Variants in CCDC50 observed in about 807,000 individuals in gnomAD.
CCDC50 encodes coiled-coil domain containing 50, also known as coiled-coil domain-containing protein 50.
CCDC50 carries 54 observed loss-of-function variants against 70.2 expected under a neutral mutation model. The observed-to-expected ratio is 0.77, with a 90% CI of 0.62 to 0.96. CCDC50 has a LOEUF of 0.96. CCDC50 is among the 50% of genes least tolerant of loss of function. The pLI, the probability that CCDC50 is intolerant of heterozygous loss-of-function variation, is 0.00. For missense variants in CCDC50, 558 were observed against 578.7 expected (o/e 0.96, Z 0.37); for synonymous variants, 216 against 198.8 (o/e 1.09, Z -0.73).
rs746357460 is a variant in CCDC50, at chr3:191,380,840, C to A, written c.1150C>A (p.Leu384Ile). Residue 384 changes from leucine (L) to isoleucine (I), a missense_variant, in exon 9 of 12, where the codon CTT (leucine) becomes ATT (isoleucine). Leu to Ile is a conservative substitution (Grantham distance 5). Transcript: ENST00000392455. ...QVAQDEEIAR[L>I]LMAEEKKAYK... Reference sequence around the variant, plus strand: ...GTATTTTGTTTAGGAAATCGCTCGACTTCTAATGGCTGAAGAAAAGAAAGC... The same window carrying A: ...GTATTTTGTTTAGGAAATCGCTCGAATTCTAATGGCTGAAGAAAAGAAAGC... 1.9e-6 allele frequency: 3 copies of A among 1,612,830 alleles called. No homozygotes were observed. In the East Asian group the frequency reaches 6.7e-5, roughly 36 times the overall value.
chr3:191,358,252 A>G, intron 3 of CCDC50, 128 bp downstream of exon 3: 8 of 1,209,608 alleles, frequency 6.6e-6, no homozygotes, highest in Non-Finnish European at 9.4e-6. Context: ...TACAAATCTT[A>G]CCCTGGATGT....
At chr3:191,379,704 G>A (rs1713242750) in intron 6 of CCDC50, among the ~76,000 whole-genome samples, 1 of 152,038 alleles carries the variant, frequency 6.6e-6, no homozygotes, top group African/African-American at 2.4e-5. Flanking sequence ...CTGCTCCCTC[G>A]GAAGTAGTAA....
chr3:191,330,006 C>T (rs1483967034), intron 1 of CCDC50, among the ~76,000 whole-genome samples: 1 of 151,192 alleles, frequency 6.6e-6, no homozygotes. Flanking sequence ...TCTCGTGCAT[C>T]GCAAAGCCTC....
At chr3:191,380,093 T>G (rs1207841924) in intron 6 of CCDC50, 66 bp from the exon 7 acceptor site, 1 of 997,902 alleles carries the variant, frequency 1.0e-6, no homozygotes, top group Non-Finnish European at 1.5e-6. Context: ...TTATCTTAAA[T>G]TTCTTAACTT....
At position 191,387,542 on chromosome 3, in the gene CCDC50, C is replaced by T. The variant is rs138291889; in HGVS notation, c.1323-1954C>T. Among the ~76,000 whole-genome samples the T allele has an allele frequency of 2.2e-3, 329 of 149,992 alleles. 1 individual carries two copies. The highest frequency in any genetic ancestry group is 8.0e-3 in the African/African-American group (317 of 39,588). On this transcript the variant is annotated intron_variant, in intron 10 of 11. Transcript: ENST00000392455. ...GTTCTCTATGTAACCTGAAACTAAA[C>T]AGAACAGTACCCTTAAGAGCACTGA...
intron 1 of CCDC50, among the ~76,000 whole-genome samples, chr3:191,331,383 C>T (rs1265732511): frequency 1.3e-5 from 2 of 152,174 alleles, no homozygotes; most frequent in African/African-American, 4.8e-5. Flanking sequence ...TGTATTCTAA[C>T]ATATTATTTC....
chr3:191,366,040 T>C (rs912397097), intron 4 of CCDC50, among the ~76,000 whole-genome samples: 1 of 152,136 alleles, frequency 6.6e-6, no homozygotes, highest in African/African-American at 2.4e-5. Flanking sequence ...GCCAACACCA[T>C]GTTTCAGTTA....
chr3:191,345,025 AAGAC>A (rs1711863831), intron 1 of CCDC50, among the ~76,000 whole-genome samples: 1 of 152,218 alleles, frequency 6.6e-6, no homozygotes, highest in South Asian at 2.1e-4. Context: ...TGGGAATAGA[AAGAC>A]AGAGCCCAGG....
In CCDC50 at chr3:191,395,740, C is replaced by A. The variant is rs561768983; in HGVS notation, c.*3980C>A. 6.6e-6 allele frequency: 1 copy of A among 152,082 alleles called. No individual in the cohort carries two copies. The highest frequency in any genetic ancestry group is 2.1e-4 in the South Asian group (1 of 4,820). The allele number at this position is 152,082 out of a possible 1,614,324, so 9.4% of individuals were successfully genotyped here. On this transcript the variant is annotated 3_prime_UTR_variant, in exon 12 of 12. Transcript: ENST00000392455. ...TGAAACGATCATAACAAAATCAAAA[C>A]CTCATGCTTCAGCAAAAAGGAAAAA...
intron 6 of CCDC50, among the ~76,000 whole-genome samples, chr3:191,378,660 C>G (rs1403797366): frequency 6.6e-6 from 1 of 152,014 alleles, no homozygotes. Flanking sequence ...CTTCCTAGTT[C>G]TGACTAAGCT....
At chr3:191,332,409 G>A (rs1718021534) in intron 1 of CCDC50, among the ~76,000 whole-genome samples, 1 of 152,172 alleles carries the variant, frequency 6.6e-6, no homozygotes, top group African/African-American at 2.4e-5. Flanking sequence ...AGTCAACTAA[G>A]TGTCAACACA....
chr3:191,350,977 T>G (rs1712088169), intron 1 of CCDC50, among the ~76,000 whole-genome samples: 2 of 140,846 alleles, frequency 1.4e-5, no homozygotes, highest in South Asian at 2.2e-4. Context: ...CCTGCTGCCC[T>G]TTAGGGGTAT....
intron 6 of CCDC50, among the ~76,000 whole-genome samples, chr3:191,377,245 A>G (rs1713149450): frequency 6.6e-6 from 1 of 152,152 alleles, no homozygotes; most frequent in African/African-American, 2.4e-5. Flanking sequence ...GGATTACATT[A>G]AAATATAATT....
chr3:191,346,341 G>T (rs1711923741), intron 1 of CCDC50, among the ~76,000 whole-genome samples: 1 of 152,148 alleles, frequency 6.6e-6, no homozygotes, highest in Non-Finnish European at 1.5e-5. Context: ...GTTTAAAACG[G>T]AAGATAAGCT....
chr3:191,384,697 G>T (rs928325750), intron 10 of CCDC50, among the ~76,000 whole-genome samples: 2 of 138,890 alleles, frequency 1.4e-5, no homozygotes, highest in South Asian at 2.4e-4. Context: ...AGATTCTGGG[G>T]ATACATGTGT....
chr3:191,346,378 A>G (rs1711925126), intron 1 of CCDC50, among the ~76,000 whole-genome samples: 1 of 152,198 alleles, frequency 6.6e-6, no homozygotes, highest in South Asian at 2.1e-4. Flanking sequence ...GTATGTTGTT[A>G]ATGTTAGAAT....
intron 4 of CCDC50, among the ~76,000 whole-genome samples, chr3:191,366,475 G>A (rs915734107): frequency 6.6e-6 from 1 of 151,912 alleles, no homozygotes; most frequent in Admixed American, 6.6e-5. Flanking sequence ...CTGTGGAACA[G>A]GTTTGTTTTT....
Position 191,377,359 on chromosome 3 carries a change from C to T in CCDC50, c.976+1770C>T, listed in dbSNP as rs994350630. 7.9e-5 allele frequency among the ~76,000 whole-genome samples: 12 copies of T among 152,092 alleles called. 1 individual carries two copies. The highest frequency in any genetic ancestry group is 6.6e-4 in the Admixed American group (10 of 15,248). Reference sequence around the variant, plus strand: ...TAATGAAGAAACTAGCAGGATGACACGGAGCTGGTTCTAAGAGCATTTGCA... The same window carrying T: ...TAATGAAGAAACTAGCAGGATGACATGGAGCTGGTTCTAAGAGCATTTGCA... On this transcript the variant is annotated intron_variant, in intron 6 of 11. Coordinates refer to ENST00000392455, the MANE Select transcript of CCDC50 (RefSeq NM_178335.3).
chr3:191,367,243 G>A (rs1235284611), intron 4 of CCDC50, among the ~76,000 whole-genome samples: 1 of 152,068 alleles, frequency 6.6e-6, no homozygotes, highest in Non-Finnish European at 1.5e-5. Context: ...AAGAAGGGCT[G>A]TAATTCTTTT....
Sources: allele counts gnomAD v4.1 joint callset (sites outside exome capture counted in the v4.1 genomes callset), GRCh38; gene constraint gnomAD v4.1.1; transcripts MANE v1.5; gene names NCBI Gene and HGNC (gene_info 2026-07-23, HGNC 2026-07-21).